The following NRXN1 variants were observed in gnomAD, a reference collection of about 807,000 sequenced individuals.
NRXN1 encodes neurexin 1.
A neutral mutation model predicts 150.9 loss-of-function variants in NRXN1; 39 were observed. The observed-to-expected ratio is 0.26, with a 90% CI of 0.20 to 0.34. The LOEUF is 0.34. Ranked by LOEUF, NRXN1 falls within the 10% of genes least tolerant of loss-of-function variation. The pLI is 1.00. For missense variants in NRXN1, 1,815 were observed against 1,949.9 expected (o/e 0.93, Z 1.30); for synonymous variants, 924 against 757.0 (o/e 1.22, Z -3.62).
intron 5 of NRXN1, among the ~76,000 whole-genome samples, chr2:50,664,029 T>G (rs550797392): frequency 6.6e-6 from 1 of 152,088 alleles, no homozygotes; most frequent in Admixed American, 6.6e-5. Context: ...CCTACTATGG[T>G]CAGGCACTTG....
intron 17 of NRXN1, among the ~76,000 whole-genome samples, chr2:50,276,938 C>T (rs2070557924): frequency 6.6e-6 from 1 of 152,040 alleles, no homozygotes; most frequent in South Asian, 2.1e-4. Flanking sequence ...TTACTTCTAG[C>T]CCCCCTGCTT....
intron 5 of NRXN1, among the ~76,000 whole-genome samples, chr2:50,636,416 T>A (rs1307621808): frequency 1.3e-5 from 2 of 152,154 alleles, no homozygotes; most frequent in African/African-American, 2.4e-5. Flanking sequence ...GACTAAGTGA[T>A]CTCCAATGTT....
chr2:50,832,878 T>A (rs1671610721), intron 5 of NRXN1, among the ~76,000 whole-genome samples: 1 of 152,154 alleles, frequency 6.6e-6, no homozygotes, highest in African/African-American at 2.4e-5. Context: ...ACTATTTCTG[T>A]GAAAGGATAG....
intron 5 of NRXN1, among the ~76,000 whole-genome samples, chr2:50,647,361 A>G (rs1684973324): frequency 6.6e-6 from 1 of 151,984 alleles, no homozygotes; most frequent in Non-Finnish European, 1.5e-5. Context: ...TAACCTTCCA[A>G]CACTAAAGCA....
At chr2:50,353,156 C>G (rs557450858) in intron 17 of NRXN1, among the ~76,000 whole-genome samples, 5 of 152,212 alleles carry the variant, frequency 3.3e-5, no homozygotes, top group South Asian at 4.1e-4. Flanking sequence ...GTGTTTAGCT[C>G]TGAAATATTC....
rs1684188396 is a variant in NRXN1 at position 50,642,299 on chromosome 2, TAAAA to T, written c.833-18688_833-18685del. Among the ~76,000 whole-genome samples, 12 of 152,046 alleles carry T rather than the reference TAAAA, an allele frequency of 7.9e-5. No individual in the cohort carries two copies. In the South Asian group the frequency reaches 2.3e-3, roughly 29 times the overall value. On this transcript the variant is annotated intron_variant, in intron 5 of 22. Transcript: ENST00000401669. ...AAGACATATAAAAGGCTATGGAACTTAAAAAGAAGAAAAAACAATTCTAAAGTAT... is the reference window on the plus strand; with the variant it reads ...AAGACATATAAAAGGCTATGGAACTTAGAAGAAAAAACAATTCTAAAGTAT...
intron 2 of NRXN1, among the ~76,000 whole-genome samples, chr2:50,943,190 T>C (rs2104508400): frequency 6.6e-6 from 1 of 152,260 alleles, no homozygotes; most frequent in South Asian, 2.1e-4. Flanking sequence ...CTCCCAGCCA[T>C]GAGGAACTGT....
intron 5 of NRXN1, among the ~76,000 whole-genome samples, chr2:50,860,170 C>G (rs6714196): frequency 1.3e-5 from 2 of 151,668 alleles, no homozygotes; most frequent in South Asian, 4.2e-4. Flanking sequence ...TTGGTGGTGA[C>G]CAGTAATCTG....
At chr2:50,757,946 C>A (rs1018112002) in intron 5 of NRXN1, 1 of 151,738 alleles carries the variant, frequency 6.6e-6, no homozygotes, top group African/African-American at 2.4e-5. Context: ...CATAGGACCT[C>A]CTGACACATT....
intron 22 of NRXN1, among the ~76,000 whole-genome samples, chr2:49,932,632 C>T (rs1305828775): frequency 6.6e-6 from 1 of 152,114 alleles, no homozygotes; most frequent in Non-Finnish European, 1.5e-5. Context: ...TCATCAAAAC[C>T]TTCTTTCTTA....
chr2:50,411,644 G>A (rs552426168), intron 17 of NRXN1, among the ~76,000 whole-genome samples: 19 of 151,010 alleles, frequency 1.3e-4, no homozygotes, highest in South Asian at 8.4e-4. Flanking sequence ...CGGCCGCCCC[G>A]TCTGAGAAGT....
chr2:51,010,558 A>C (rs1667681752), intron 2 of NRXN1, among the ~76,000 whole-genome samples: 1 of 152,008 alleles, frequency 6.6e-6, no homozygotes, highest in East Asian at 1.9e-4. Flanking sequence ...GACAACATGC[A>C]ATGAGTACCA....
intron 18 of NRXN1, among the ~76,000 whole-genome samples, chr2:50,121,424 T>C (rs1703844941): frequency 6.6e-6 from 1 of 152,196 alleles, no homozygotes; most frequent in African/African-American, 2.4e-5. Flanking sequence ...CAAAGAACAA[T>C]GATCACACAG....
chr2:50,912,499 C>T (rs1283445321), intron 5 of NRXN1, among the ~76,000 whole-genome samples: 1 of 151,854 alleles, frequency 6.6e-6, no homozygotes, highest in East Asian at 1.9e-4. Context: ...ATATTTTTAA[C>T]TGATTTATCT....
chr2:50,909,319 G>C (rs1220537070), intron 5 of NRXN1, among the ~76,000 whole-genome samples: 1 of 152,012 alleles, frequency 6.6e-6, no homozygotes, highest in Non-Finnish European at 1.5e-5. Flanking sequence ...AGCATAAACA[G>C]CGTTTACATC....
chr2:50,828,031 C>T (rs1211987481), intron 5 of NRXN1, among the ~76,000 whole-genome samples: 1 of 149,898 alleles, frequency 6.7e-6, no homozygotes, highest in African/African-American at 2.4e-5. Flanking sequence ...GGCAACCATC[C>T]GATTTCTCAA....
At chr2:50,478,854 T>G (rs1483567211) in intron 15 of NRXN1, among the ~76,000 whole-genome samples, 15 of 152,234 alleles carry the variant, frequency 9.9e-5, no homozygotes, top group Non-Finnish European at 2.2e-4. Flanking sequence ...AATCAACTAC[T>G]GCCAAGGGGT....
chr2:50,223,740 C>T (rs1011125172), intron 18 of NRXN1, among the ~76,000 whole-genome samples: 2 of 151,928 alleles, frequency 1.3e-5, no homozygotes, highest in Admixed American at 6.6e-5. Flanking sequence ...CTTTCTCTGA[C>T]CTCATTTACA....
chr2:50,335,594 A>T (rs987810256), intron 17 of NRXN1, among the ~76,000 whole-genome samples: 2 of 152,224 alleles, frequency 1.3e-5, no homozygotes, highest in Non-Finnish European at 2.9e-5. Context: ...AGCGAGGAAA[A>T]AAATATTCAA....
Sources: allele counts gnomAD v4.1 joint callset (sites outside exome capture counted in the v4.1 genomes callset), GRCh38; gene constraint gnomAD v4.1.1; transcripts MANE v1.5; gene names NCBI Gene and HGNC (gene_info 2026-07-23, HGNC 2026-07-21).